Variants in GLI3 observed in about 807,000 individuals in gnomAD.
GLI3 encodes the protein transcription activator GLI3.
A neutral mutation model predicts 100.8 loss-of-function variants in GLI3; 20 were observed. The observed-to-expected ratio is 0.20, with a 90% CI of 0.14 to 0.29. The LOEUF is 0.29. Among genes scored for constraint, GLI3 ranks in the 10% least tolerant of loss-of-function variants. The pLI is 1.00. For missense variants in GLI3, 2,040 were observed against 2,128.5 expected (o/e 0.96, Z 0.82); for synonymous variants, 938 against 860.5 (o/e 1.09, Z -1.58).
upstream of GLI3, among the ~76,000 whole-genome samples, chr7:42,242,079 T>C (rs141646464): frequency 1.9e-3 from 286 of 152,336 alleles, no homozygotes; most frequent in African/African-American, 6.6e-3. Context: ...TTCACCTGTC[T>C]CTTCTATCCC....
chr7:42,219,171 G>C (rs943770192), intron 2 of GLI3, among the ~76,000 whole-genome samples: 2 of 152,182 alleles, frequency 1.3e-5, no homozygotes, highest in African/African-American at 4.8e-5. Flanking sequence ...AGATCTGCAT[G>C]CATACTTTCT....
intron 3 of GLI3, among the ~76,000 whole-genome samples, chr7:42,132,910 G>T (rs1276298716): frequency 6.6e-6 from 1 of 150,402 alleles, no homozygotes; most frequent in Non-Finnish European, 1.5e-5. Flanking sequence ...AACATAAAAT[G>T]AGCTCAAAAA....
At chr7:42,110,449 C>G (rs1320294080) in intron 3 of GLI3, among the ~76,000 whole-genome samples, 1 of 152,188 alleles carries the variant, frequency 6.6e-6, no homozygotes, top group Non-Finnish European at 1.5e-5. Flanking sequence ...GTCAGCAGCA[C>G]AGGCAACGGA....
intron 4 of GLI3, among the ~76,000 whole-genome samples, chr7:42,072,016 G>A (rs1784793388): frequency 1.3e-5 from 2 of 152,198 alleles, no homozygotes; most frequent in Admixed American, 6.5e-5. Context: ...AACAGAACAT[G>A]AGTGCTCATT....
rs111848511 is a variant in GLI3 at position 42,216,334 on chromosome 7, T to G, written c.124+6796A>C. Among the ~76,000 whole-genome samples, 762 of 152,312 alleles carry G rather than the reference T, an allele frequency of 5.0e-3. 10 individuals carry two copies. The highest frequency in any genetic ancestry group is 0.018 in the African/African-American group (731 of 41,556). ...TAACTAAAATGTAAAACTTGAGTGC[T>G]GTGAAGGAAGGGACAGGATAAACTG... On this transcript the variant is annotated intron_variant, in intron 2 of 14. Coordinates refer to ENST00000395925, the MANE Select transcript of GLI3 (RefSeq NM_000168.6).
At chr7:42,081,481 AT>A (rs1490062845) in intron 3 of GLI3, among the ~76,000 whole-genome samples, 1 of 152,120 alleles carries the variant, frequency 6.6e-6, no homozygotes, top group Non-Finnish European at 1.5e-5. Context: ...TAGCAAAAAT[AT>A]TTGTGCTGGG....
intron 3 of GLI3, among the ~76,000 whole-genome samples, chr7:42,102,598 G>A (rs1785488530): frequency 6.6e-6 from 1 of 152,234 alleles, no homozygotes; most frequent in African/African-American, 2.4e-5. Context: ...TGTACAGGCT[G>A]GGTGTGCACT....
intron 2 of GLI3, among the ~76,000 whole-genome samples, chr7:42,165,006 G>T (rs185820981): frequency 6.6e-6 from 1 of 151,404 alleles, no homozygotes; most frequent in Non-Finnish European, 1.5e-5. Flanking sequence ...CAGGAGCAGC[G>T]ACACGTGCCT....
rs762152194 is a variant in GLI3 at position 41,965,967 on chromosome 7, C to G, written c.3106G>C (p.Ala1036Pro). ...SLSSCNPPAMATSAEKRSLVL... is the reference protein window; with the variant it reads ...SLSSCNPPAMPTSAEKRSLVL... Reference sequence around the variant, plus strand: ...AGACTGCGCTTCTCCGCGGACGTGGCCATCGCCGGGGGGTTGCAGCTGCTG... The same window carrying G: ...AGACTGCGCTTCTCCGCGGACGTGGGCATCGCCGGGGGGTTGCAGCTGCTG... Residue 1036 changes from alanine (A) to proline (P), a missense_variant, in exon 15 of 15, where the codon GCC becomes CCC. By Grantham distance (27) the Ala-to-Pro change is conservative. This residue lies in a region of GLI3 where 1,041 missense variants were observed against 924.0 expected (regional missense o/e 1.13). Coordinates refer to ENST00000395925, the MANE Select transcript of GLI3 (RefSeq NM_000168.6). 2 of 1,608,910 alleles carry G rather than the reference C, an allele frequency of 1.2e-6. No homozygotes were observed. The highest frequency in any genetic ancestry group is 2.7e-5 in the African/African-American group (2 of 74,906).
At chr7:42,046,239 G>A (rs1056812089) in intron 5 of GLI3, among the ~76,000 whole-genome samples, 9 of 152,146 alleles carry the variant, frequency 5.9e-5, no homozygotes, top group Non-Finnish European at 1.3e-4. Flanking sequence ...CAGTTCTGAG[G>A]GTGGCCTCCA....
intron 3 of GLI3, among the ~76,000 whole-genome samples, chr7:42,101,465 G>A (rs1267361789): frequency 1.3e-5 from 2 of 151,928 alleles, no homozygotes; most frequent in African/African-American, 4.8e-5. Flanking sequence ...AATTAGCCAG[G>A]TATGGTGGCA....
intron 2 of GLI3, among the ~76,000 whole-genome samples, chr7:42,187,863 C>T (rs562627707): frequency 2.6e-5 from 4 of 151,906 alleles, no homozygotes; most frequent in African/African-American, 7.2e-5. Context: ...ATTAGCTGGG[C>T]GTGGTGACAG....
intron 11 of GLI3, chr7:41,978,055 T>C (rs768749566): frequency 6.9e-5 from 28 of 407,290 alleles, no homozygotes; most frequent in African/African-American, 4.5e-4. Context: ...AATATAGCTT[T>C]GTGTCCATAC....
rs139954534 is a variant in GLI3 at position 41,983,243 on chromosome 7, G to A, written c.1498-4495C>T. On this transcript the variant is annotated intron_variant, in intron 10 of 14. Transcript: ENST00000395925. The stretch of plus-strand genomic sequence containing the variant: ...AAGCCTGAGAAAGCAAAATTAGAAG[G>A]AGGTACGTTCTAGTGCCAGAGAAAA... 8.5e-5 allele frequency among the ~76,000 whole-genome samples: 13 copies of A among 152,294 alleles called. No individual in the cohort carries two copies. In the East Asian group the frequency reaches 2.5e-3, roughly 29 times the overall value.
At chr7:42,168,533 G>A (rs1043803272) in intron 2 of GLI3, among the ~76,000 whole-genome samples, 13 of 152,176 alleles carry the variant, frequency 8.5e-5, no homozygotes, top group African/African-American at 2.7e-4. Context: ...GGATGAACAT[G>A]CACAACTACA....
intron 2 of GLI3, among the ~76,000 whole-genome samples, chr7:42,217,108 C>G (rs1562789954): frequency 6.6e-6 from 1 of 152,172 alleles, no homozygotes; most frequent in Non-Finnish European, 1.5e-5. Flanking sequence ...GACAGAGGGT[C>G]ATTTTAATCA....
At chr7:42,060,521 A>T (rs1784545863) in intron 4 of GLI3, among the ~76,000 whole-genome samples, 2 of 152,202 alleles carry the variant, frequency 1.3e-5, no homozygotes, top group South Asian at 4.1e-4. Flanking sequence ...AAAAAAATAA[A>T]AACTTTTGTC....
intron 1 of GLI3, among the ~76,000 whole-genome samples, chr7:42,233,149 A>G (rs1440467603): frequency 6.6e-6 from 1 of 152,204 alleles, no homozygotes; most frequent in Non-Finnish European, 1.5e-5. Flanking sequence ...TGGCCTTTCA[A>G]TTTAAAAATA....
chr7:41,965,883 G>C lies in GLI3; in HGVS notation c.3190C>G (p.Pro1064Ala). The change falls in exon 15 of 15, where the codon CCC becomes GCC. Residue 1064 changes from proline to alanine, a missense_variant. Physicochemically the swap from Pro to Ala is conservative, Grantham distance 27. Around this residue, in one of 5 missense-constraint regions of GLI3, gnomAD observed 1,041 missense variants for 924.0 expected, o/e 1.13. Transcript: ENST00000395925. ...GGQSRNFHSS[P>A]CPPSITENVT... ...TTCTCGGTGATGCTGGGAGGACAGG[G>C]GGACGAGTGGAAGTTTCGGGACTGG... is the stretch of plus-strand genomic sequence containing the variant. The C allele has an allele frequency of 6.2e-7, 1 of 1,613,690 alleles. No individual in the cohort carries two copies. Among genetic ancestry groups the C allele is most frequent in the Non-Finnish European group, 8.5e-7 (1 of 1,179,924 alleles).
Sources: gnomAD v4.1 joint callset for allele counts (sites outside exome capture counted in the v4.1 genomes callset) on GRCh38, gnomAD v4.1.1 for gene constraint, gnomAD v4.1.1 regional missense constraint, MANE v1.5 for transcripts, NCBI Gene and HGNC (gene_info 2026-07-23, HGNC 2026-07-21) for gene names.